Variants in NUMB observed in about 807,000 individuals in gnomAD.
The protein encoded by NUMB is protein numb homolog.
In NUMB, 29 loss-of-function variants were observed where a neutral mutation model predicts 59.7. The ratio of observed to expected loss-of-function variants is 0.49; its 90% CI spans 0.36 to 0.66. The LOEUF is 0.66. Among genes scored for constraint, NUMB ranks in the 30% least tolerant of loss-of-function variants. The pLI, the probability that NUMB is intolerant of heterozygous loss-of-function variation, is 0.00. For missense variants in NUMB, 723 were observed against 822.0 expected (o/e 0.88, Z 1.47); for synonymous variants, 288 against 288.2 (o/e 1.00, Z 0.01).
intron 1 of NUMB, among the ~76,000 whole-genome samples, chr14:73,450,316 A>G (rs1883833310): frequency 2.0e-5 from 3 of 152,246 alleles, no homozygotes; most frequent in Middle Eastern, 3.2e-3. Context: ...GTCAAGATTC[A>G]AAATCATGGT....
chr14:73,360,365 G>A (rs1894039569), intron 3 of NUMB, among the ~76,000 whole-genome samples: 1 of 152,190 alleles, frequency 6.6e-6, no homozygotes, highest in Non-Finnish European at 1.5e-5. Context: ...AGACCTGCCT[G>A]GCCAACAGGG....
At chr14:73,370,396 A>C (rs996690571) in intron 2 of NUMB, among the ~76,000 whole-genome samples, 2 of 152,202 alleles carry the variant, frequency 1.3e-5, no homozygotes, top group African/African-American at 4.8e-5. Flanking sequence ...CAAACAAAAA[A>C]GTCAGTTTCT....
chr14:73,445,206 T>C (rs1231377151), intron 1 of NUMB, among the ~76,000 whole-genome samples: 1 of 151,660 alleles, frequency 6.6e-6, no homozygotes, highest in Admixed American at 6.6e-5. Flanking sequence ...AGTTAAAAAT[T>C]AGGTGGACAT....
intron 2 of NUMB, among the ~76,000 whole-genome samples, chr14:73,390,621 G>A (rs1247925639): frequency 8.1e-6 from 1 of 122,876 alleles, no homozygotes; most frequent in Non-Finnish European, 1.8e-5. Flanking sequence ...TGATTTCCTT[G>A]AGGACAAAAA....
intron 6 of NUMB, among the ~76,000 whole-genome samples, chr14:73,312,994 T>C (rs1369261088): frequency 6.6e-6 from 1 of 151,722 alleles, no homozygotes; most frequent in Non-Finnish European, 1.5e-5. Context: ...GTATGTCTTT[T>C]TTTTTTTTTT....
chr14:73,279,930 G>A (rs543548335), intron 11 of NUMB, among the ~76,000 whole-genome samples: 5 of 152,354 alleles, frequency 3.3e-5, no homozygotes, highest in East Asian at 3.9e-4. Context: ...GCCGAGGTGG[G>A]TGGATCACCT....
At chr14:73,284,016 C>A in intron 10 of NUMB, 65 bp downstream of exon 10, 1 of 1,434,246 alleles carries the variant, frequency 7.0e-7, no homozygotes, top group Non-Finnish European at 9.7e-7. Context: ...TTAGTGTCTT[C>A]ATGGGAAGTG....
At position 73,293,718 on chromosome 14, in the gene NUMB, C is replaced by A. The variant is rs377439984; in HGVS notation, c.310-844G>T. On this transcript the variant is annotated intron_variant, in intron 7 of 12. Transcript: ENST00000555238. ...TTGTTTCTTTTTCATAGTTTCTATT[C>A]TCTGCCAAGATTTCTATCTCTTCAT... Among the ~76,000 whole-genome samples, 8 of 152,296 alleles carry A rather than the reference C, an allele frequency of 5.3e-5. No individual in the cohort carries two copies. In the South Asian group the frequency reaches 1.5e-3, roughly 28 times the overall value.
intron 9 of NUMB, 32 bp downstream of exon 9, chr14:73,287,078 T>A: frequency 6.3e-7 from 1 of 1,599,320 alleles, no homozygotes; most frequent in Non-Finnish European, 8.6e-7. Flanking sequence ...AAAACTGCAT[T>A]CCATAAATAC....
At chr14:73,436,755 C>T (rs949729894) in intron 1 of NUMB, among the ~76,000 whole-genome samples, 21 of 151,580 alleles carry the variant, frequency 1.4e-4, no homozygotes, top group Non-Finnish European at 2.9e-4. Flanking sequence ...CTGAGGCGGG[C>T]GGATCACGAG....
intron 7 of NUMB, among the ~76,000 whole-genome samples, chr14:73,296,577 C>T (rs1468441744): frequency 6.6e-6 from 1 of 152,110 alleles, no homozygotes; most frequent in Non-Finnish European, 1.5e-5. Context: ...AAAGTGGTTT[C>T]CTGAACGTTA....
chr14:73,396,042 T>A (rs1273456346), intron 2 of NUMB, among the ~76,000 whole-genome samples: 3 of 152,192 alleles, frequency 2.0e-5, no homozygotes, highest in African/African-American at 7.2e-5. Context: ...TTATTTTTTT[T>A]ATTTTTTAGA....
At chr14:73,358,743 T>C (rs1483381234) in intron 3 of NUMB, among the ~76,000 whole-genome samples, 2 of 152,108 alleles carry the variant, frequency 1.3e-5, no homozygotes, top group African/African-American at 2.4e-5. Context: ...ATTTCCTTAA[T>C]GGTTGACTGT....
rs906009569 is a variant in NUMB, at chr14:73,287,127, A to C, written c.638T>G (p.Met213Arg). 6.2e-7 allele frequency: 1 copy of C among 1,613,982 alleles called. No homozygotes were observed. The highest frequency in any genetic ancestry group is 1.1e-5 in the South Asian group (1 of 91,076). ...QAEREEIMKQMQDAKKAETDK... is the reference protein window; with the variant it reads ...QAEREEIMKQRQDAKKAETDK... ...GATTGTACCTTTCTTGGCATCTTGC[A>C]TTTGTTTCATGATCTCCTCTCTTTC... Residue 213 changes from methionine (M) to arginine (R), a missense_variant, in exon 9 of 13, where the codon ATG becomes AGG. Transcript: ENST00000555238.
At chr14:73,340,411 C>T (rs1248381744) in intron 4 of NUMB, among the ~76,000 whole-genome samples, 1 of 152,286 alleles carries the variant, frequency 6.6e-6, no homozygotes, top group Admixed American at 6.5e-5. Context: ...TTACCTCAGG[C>T]TTTCCCCTCC....
chr14:73,299,612 A>C (rs567875631), intron 6 of NUMB, among the ~76,000 whole-genome samples: 16 of 151,276 alleles, frequency 1.1e-4, no homozygotes, highest in Non-Finnish European at 2.1e-4. Flanking sequence ...TATGACATAT[A>C]TATGTCATAT....
At position 73,277,241 on chromosome 14, in the gene NUMB, G is replaced by A. The variant is rs780265106; in HGVS notation, c.1293C>T (p.Ala431=). The change falls in exon 13 of 13, where the codon GCC becomes GCT. Residue 431 remains alanine (A), a synonymous_variant. Coordinates refer to ENST00000555238, the MANE Select transcript of NUMB (RefSeq NM_001005743.2). ...SGAASPGLFQ[A]GHRRTPSEAD... ...CCTCAGAGGGAGTACGTCTATGACC[G>A]GCCTGGAAGAGACCTGGAGAGGCAG... The A allele has an allele frequency of 1.4e-5, 22 of 1,611,440 alleles. No homozygotes were observed. Among genetic ancestry groups the A allele is most frequent in the Middle Eastern group, 1.7e-4 (1 of 6,048 alleles).
chr14:73,385,330 TAG>T (rs1225486115), intron 2 of NUMB, among the ~76,000 whole-genome samples: 2 of 143,558 alleles, frequency 1.4e-5, no homozygotes, highest in South Asian at 4.5e-4. Flanking sequence ...TTTTTTTTGG[TAG>T]AGACAGAGTC....
intron 1 of NUMB, among the ~76,000 whole-genome samples, chr14:73,443,621 A>C (rs1170864651): frequency 6.6e-6 from 1 of 151,872 alleles, no homozygotes; most frequent in Non-Finnish European, 1.5e-5. Flanking sequence ...AAGTAGAAAA[A>C]ACAGGCTGAG....
Sources: gnomAD v4.1 joint callset for allele counts (sites outside exome capture counted in the v4.1 genomes callset) on GRCh38, gnomAD v4.1.1 for gene constraint, MANE v1.5 for transcripts, NCBI Gene and HGNC (gene_info 2026-07-23, HGNC 2026-07-21) for gene names.